The following TOX variants were observed in gnomAD, a reference collection of about 807,000 sequenced individuals.
The protein encoded by TOX is thymocyte selection associated high mobility group box, also known as thymocyte selection-associated high mobility group box protein TOX.
A neutral mutation model predicts 53.7 loss-of-function variants in TOX; 11 were observed. The ratio of observed to expected loss-of-function variants is 0.20; its 90% CI spans 0.13 to 0.34. The LOEUF (loss-of-function observed/expected upper bound fraction) is 0.34. Among genes scored for constraint, TOX ranks in the 10% least tolerant of loss-of-function variants. The pLI, the probability that TOX is intolerant of heterozygous loss-of-function variation, is 1.00. For missense variants in TOX, 570 were observed against 664.6 expected, an observed-to-expected ratio of 0.86 and a Z score of 1.56; for synonymous variants, 225 against 245.3, an observed-to-expected ratio of 0.92 and a Z score of 0.77.
At chr8:58,924,961 G>T (rs1393271163) in intron 3 of TOX, among the ~76,000 whole-genome samples, 1 of 152,126 alleles carries the variant, frequency 6.6e-6, no homozygotes, top group Admixed American at 6.5e-5. Flanking sequence ...AATGTGGGGT[G>T]GAGTTTGACT....
intron 8 of TOX, 85 bp downstream of exon 8, chr8:58,808,033 T>C: frequency 1.3e-6 from 2 of 1,515,958 alleles, no homozygotes; most frequent in South Asian, 2.6e-5. Flanking sequence ...GATCATGTTT[T>C]TGGAAACAAG....
chr8:59,113,313 A>G (rs1006067083), intron 1 of TOX, among the ~76,000 whole-genome samples: 6 of 152,196 alleles, frequency 3.9e-5, no homozygotes, highest in South Asian at 2.1e-4. Context: ...AAGGGACACT[A>G]TGATAGCTTA....
At chr8:59,092,261 T>C (rs577527455) in intron 1 of TOX, among the ~76,000 whole-genome samples, 834 of 51,998 alleles carry the variant, frequency 0.016, 60 homozygotes, top group African/African-American at 0.051. Flanking sequence ...CATATATATA[T>C]ATTTTATATA....
chr8:58,913,111 T>C (rs760478993), intron 3 of TOX, among the ~76,000 whole-genome samples: 19 of 152,218 alleles, frequency 1.2e-4, no homozygotes, highest in Non-Finnish European at 2.2e-4. Flanking sequence ...GATTTGGCTC[T>C]CTACTCCCAC....
intron 4 of TOX, among the ~76,000 whole-genome samples, chr8:58,844,912 G>A (rs1052918777): frequency 2.0e-5 from 3 of 152,078 alleles, no homozygotes; most frequent in Admixed American, 1.3e-4. Flanking sequence ...CCCTAGAGGT[G>A]CCTGAAGGCT....
intron 1 of TOX, among the ~76,000 whole-genome samples, chr8:59,016,601 T>C (rs2129419098): frequency 6.6e-6 from 1 of 152,342 alleles, no homozygotes; most frequent in Admixed American, 6.5e-5. Flanking sequence ...TATTTATTTA[T>C]CATGTGACCT....
intron 1 of TOX, among the ~76,000 whole-genome samples, chr8:59,007,828 C>A (rs1424951492): frequency 6.6e-6 from 1 of 152,154 alleles, no homozygotes. Flanking sequence ...CTTACAACTT[C>A]CAACAACATG....
chr8:59,064,900 A>T (rs1266998812), intron 1 of TOX, among the ~76,000 whole-genome samples: 1 of 152,190 alleles, frequency 6.6e-6, no homozygotes, highest in Admixed American at 6.5e-5. Context: ...GTTAATTTGG[A>T]TCAATCTTCC....
At position 59,118,933 on chromosome 8, in the gene TOX, G is replaced by A. The variant is rs199595313; in HGVS notation, c.55C>T (p.Pro19Ser). The A allele has an allele frequency of 1.2e-6, 2 of 1,601,712 alleles. No individual in the cohort carries two copies. Among genetic ancestry groups the A allele is most frequent in the South Asian group, 1.1e-5 (1 of 90,488 alleles). Residue 19 changes from proline to serine, a missense_variant, in exon 1 of 9, where the codon CCC becomes TCC. Coordinates refer to ENST00000361421, the MANE Select transcript of TOX (RefSeq NM_014729.3). The surrounding 1 kb of genome is among the most constrained non-coding windows in gnomAD (Gnocchi z 4.1). ...AGGCAGGGAGAAGGTCCCAGACAGGGAGCGTCGGGCGCAGCGGCGGGCTGG... is the reference window on the plus strand; with the variant it reads ...AGGCAGGGAGAAGGTCCCAGACAGGAAGCGTCGGGCGCAGCGGCGGGCTGG... ...PAQPAAAPDAPCLGPSPCLDP... is the reference protein window; with the variant it reads ...PAQPAAAPDASCLGPSPCLDP...
At chr8:59,103,778 A>G (rs1201932855) in intron 1 of TOX, among the ~76,000 whole-genome samples, 2 of 152,226 alleles carry the variant, frequency 1.3e-5, no homozygotes, top group East Asian at 3.8e-4. Flanking sequence ...TACTAATAAT[A>G]TGTGTATTTA....
chr8:58,959,450 G>C (rs1047566326), intron 2 of TOX, among the ~76,000 whole-genome samples: 1 of 152,070 alleles, frequency 6.6e-6, no homozygotes, highest in Non-Finnish European at 1.5e-5. Flanking sequence ...TGGCCTGAAA[G>C]CTCCTCCCCA....
chr8:58,907,881 T>C (rs774871916), intron 3 of TOX, among the ~76,000 whole-genome samples: 4 of 152,218 alleles, frequency 2.6e-5, no homozygotes, highest in Middle Eastern at 3.2e-3. Context: ...CTCAATTCAT[T>C]GGGTTTTGTG....
chr8:58,908,502 A>C (rs1471053707), intron 3 of TOX, among the ~76,000 whole-genome samples: 2 of 152,134 alleles, frequency 1.3e-5, no homozygotes, highest in Non-Finnish European at 1.5e-5. Flanking sequence ...TTACTCTTCC[A>C]AATTCTACAA....
chr8:58,840,403 T>C (rs2129167161), intron 4 of TOX, among the ~76,000 whole-genome samples: 1 of 152,292 alleles, frequency 6.6e-6, no homozygotes, highest in African/African-American at 2.4e-5. Context: ...AGACTCAGCA[T>C]GTCTGGTGCT....
At chr8:58,981,505 C>A (rs1292472018) in intron 1 of TOX, among the ~76,000 whole-genome samples, 2 of 152,080 alleles carry the variant, frequency 1.3e-5, no homozygotes, top group African/African-American at 4.8e-5. Context: ...CATAATATTG[C>A]CAGAAATAAT....
Position 58,851,456 on chromosome 8 carries a change from C to A in TOX, c.693+68G>T. 6.4e-7 allele frequency: 1 copy of A among 1,554,038 alleles called. No individual in the cohort carries two copies. Among genetic ancestry groups the A allele is most frequent in the South Asian group, 1.2e-5 (1 of 84,558 alleles). ...CTCGCATGGATGATATAAACTTGTACCCAGCACAGGTCAAAGAAGGTGCCT... is the reference window on the plus strand; with the variant it reads ...CTCGCATGGATGATATAAACTTGTAACCAGCACAGGTCAAAGAAGGTGCCT... On this transcript the variant is annotated intron_variant, in intron 4 of 8. Coordinates refer to ENST00000361421, the MANE Select transcript of TOX (RefSeq NM_014729.3). This position sits in a 1 kb window ranked among gnomAD's most constrained non-coding sequence, Gnocchi z 4.4.
chr8:58,833,525 T>G (rs1424305449), intron 5 of TOX, among the ~76,000 whole-genome samples: 1 of 152,202 alleles, frequency 6.6e-6, no homozygotes, highest in African/African-American at 2.4e-5. Flanking sequence ...ATAAAAAAGA[T>G]GCTGAGGGTT....
At position 58,926,073 on chromosome 8, in the gene TOX, C is replaced by A. The variant is rs183314289; in HGVS notation, c.411+13229G>T. 2.6e-5 allele frequency among the ~76,000 whole-genome samples: 4 copies of A among 152,282 alleles called. No homozygotes were observed. The East Asian group carries it at 7.7e-4, about 29-fold the overall frequency. Reference sequence around the variant, plus strand: ...CTGGGCTGAGCTGGATTGTGAATTACCATGAAAACCTCACAAAGTGCTCAC... The same window carrying A: ...CTGGGCTGAGCTGGATTGTGAATTAACATGAAAACCTCACAAAGTGCTCAC... On this transcript the variant is annotated intron_variant, in intron 3 of 8. Coordinates refer to ENST00000361421, the MANE Select transcript of TOX (RefSeq NM_014729.3).
intron 3 of TOX, among the ~76,000 whole-genome samples, chr8:58,854,636 A>C (rs1475229036): frequency 6.6e-6 from 1 of 152,118 alleles, no homozygotes; most frequent in Non-Finnish European, 1.5e-5. Flanking sequence ...CATTAGTTCA[A>C]TGTATCCTGT....
Sources: allele counts gnomAD v4.1 joint callset (sites outside exome capture counted in the v4.1 genomes callset), GRCh38; gene constraint gnomAD v4.1.1; non-coding constraint Gnocchi (gnomAD v3.1); transcripts MANE v1.5; gene names NCBI Gene and HGNC (gene_info 2026-07-23, HGNC 2026-07-21).